The following HIVEP1 variants were observed in gnomAD, a reference collection of about 807,000 sequenced individuals.
HIVEP1 encodes zinc finger protein 40.
HIVEP1 carries 36 observed loss-of-function variants against 180.0 expected under a neutral mutation model. The ratio of observed to expected loss-of-function variants is 0.20; its 90% CI spans 0.15 to 0.26. The LOEUF is 0.26. Ranked by LOEUF, HIVEP1 falls within the 10% of genes least tolerant of loss-of-function variation. HIVEP1 has a pLI of 1.00. For missense variants in HIVEP1, 3,143 were observed against 3,268.7 expected, an observed-to-expected ratio of 0.96 and a Z score of 0.94; for synonymous variants, 1,239 against 1,239.0, an observed-to-expected ratio of 1.00 and a Z score of 0.00.
chr6:12,021,890 C>G (rs9470753), intron 2 of HIVEP1, among the ~76,000 whole-genome samples: 7,163 of 152,190 alleles, frequency 0.047, 238 homozygotes, highest in Admixed American at 0.12. Flanking sequence ...GTCTTGAACT[C>G]CTAACCTCAA....
chr6:12,056,713 T>C (rs1162548578), intron 2 of HIVEP1, among the ~76,000 whole-genome samples: 3 of 152,240 alleles, frequency 2.0e-5, no homozygotes, highest in Non-Finnish European at 2.9e-5. Context: ...GCGACTTTAA[T>C]GGCAATGCTT....
chr6:12,098,621 C>A (rs556273624), intron 3 of HIVEP1, among the ~76,000 whole-genome samples: 2 of 152,260 alleles, frequency 1.3e-5, no homozygotes, highest in African/African-American at 4.8e-5. Flanking sequence ...TAGAGATTTG[C>A]TCTTTTTCTC....
chr6:12,204,520 C>T, the HIVEP1 span, among the ~76,000 whole-genome samples: 1 of 152,142 alleles, frequency 6.6e-6, no homozygotes, highest in African/African-American at 2.4e-5. Flanking sequence ...AAAAATCCCC[C>T]GACTAAGAAC....
intron 3 of HIVEP1, among the ~76,000 whole-genome samples, chr6:12,110,206 C>G (rs1268572207): frequency 6.6e-6 from 1 of 152,150 alleles, no homozygotes; most frequent in Non-Finnish European, 1.5e-5. Flanking sequence ...TCTTAAGGGT[C>G]TTATGGATTT....
At chr6:12,051,749 TTTTA>T (rs1461588530) in intron 2 of HIVEP1, among the ~76,000 whole-genome samples, 1 of 152,116 alleles carries the variant, frequency 6.6e-6, no homozygotes, top group African/African-American at 2.4e-5. Context: ...GGGCTGAAGT[TTTTA>T]TTTGTTTTTG....
At chr6:12,015,459 T>A in intron 1 of HIVEP1, 67 bp from the exon 2 acceptor site, 1 of 591,346 alleles carries the variant, frequency 1.7e-6, no homozygotes, top group Non-Finnish European at 3.0e-6. Flanking sequence ...TGCTAGGCAG[T>A]AACTTTTAAA....
chr6:12,210,412 G>A, the HIVEP1 span, among the ~76,000 whole-genome samples: 1 of 152,074 alleles, frequency 6.6e-6, no homozygotes, highest in Non-Finnish European at 1.5e-5. Flanking sequence ...TTTAATCTTG[G>A]TTGCTTTTGT....
intron 2 of HIVEP1, among the ~76,000 whole-genome samples, chr6:12,018,343 C>T (rs1046138359): frequency 1.3e-5 from 2 of 152,214 alleles, no homozygotes; most frequent in African/African-American, 2.4e-5. Context: ...CACAGTGCAG[C>T]GGCGGGCTGA....
intron 2 of HIVEP1, among the ~76,000 whole-genome samples, chr6:12,049,452 G>A (rs1237626307): frequency 6.6e-6 from 1 of 152,184 alleles, no homozygotes. Context: ...TCGGCAGAGT[G>A]TGTGAGACCT....
At chr6:12,148,319 C>T (rs1002763540) in intron 7 of HIVEP1, among the ~76,000 whole-genome samples, 1 of 152,192 alleles carries the variant, frequency 6.6e-6, no homozygotes, top group East Asian at 1.9e-4. Context: ...CTCCACCTCC[C>T]TCATCATAGG....
chr6:12,168,211 C>CATAT (rs1461357687), downstream of HIVEP1, among the ~76,000 whole-genome samples: 6 of 83,824 alleles, frequency 7.2e-5, no homozygotes, highest in East Asian at 1.3e-3. Flanking sequence ...TACATATATA[C>CATAT]ATATATACAT....
At chr6:12,056,850 T>A (rs976538881) in intron 2 of HIVEP1, among the ~76,000 whole-genome samples, 1 of 152,034 alleles carries the variant, frequency 6.6e-6, no homozygotes, top group Admixed American at 6.6e-5. Flanking sequence ...TTTGTTTTTT[T>A]TTTTCAAACA....
Position 12,119,901 on chromosome 6 carries a change from G to A in HIVEP1, c.106G>A (p.Ala36Thr). Reference protein sequence around the residue: ...AEVSKKEILQAGVKGTSESLK... With the variant: ...AEVSKKEILQTGVKGTSESLK... Reference sequence around the variant, plus strand: ...GTTGTTTTTTCCAGAAATCTTACAGGCTGGTGTTAAAGGAACTTCGGAATC... The same window carrying A: ...GTTGTTTTTTCCAGAAATCTTACAGACTGGTGTTAAAGGAACTTCGGAATC... Residue 36 changes from alanine (A) to threonine (T), a missense_variant, in exon 4 of 9, where the codon GCT becomes ACT. Ala to Thr is a moderately conservative substitution (Grantham distance 58). Coordinates refer to ENST00000379388, the MANE Select transcript of HIVEP1 (RefSeq NM_002114.4). The A allele has an allele frequency of 1.3e-6, 2 of 1,556,930 alleles. No individual in the cohort carries two copies. The highest frequency in any genetic ancestry group is 8.6e-7 in the Non-Finnish European group (1 of 1,157,456).
chr6:12,082,275 T>C (rs1772837732), intron 2 of HIVEP1, among the ~76,000 whole-genome samples: 1 of 152,122 alleles, frequency 6.6e-6, no homozygotes, highest in Admixed American at 6.6e-5. Context: ...CTCTGTAATA[T>C]TCTGTCATAT....
At chr6:12,061,070 C>T (rs1443224203) in intron 2 of HIVEP1, among the ~76,000 whole-genome samples, 4 of 151,946 alleles carry the variant, frequency 2.6e-5, no homozygotes, top group Non-Finnish European at 5.9e-5. Context: ...AGGTGTGCCG[C>T]GGCGGCACAG....
chr6:12,199,905 G>A, the HIVEP1 span, among the ~76,000 whole-genome samples: 1 of 152,162 alleles, frequency 6.6e-6, no homozygotes, highest in African/African-American at 2.4e-5. Context: ...CCCTGTCTGT[G>A]GTGGGGCACA....
At chr6:12,055,182 T>TCAGTTAAA (rs1265947013) in intron 2 of HIVEP1, among the ~76,000 whole-genome samples, 4 of 152,246 alleles carry the variant, frequency 2.6e-5, no homozygotes, top group African/African-American at 9.6e-5. Context: ...AGAAAATTCT[T>TCAGTTAAA]CAGTTAAAAT....
chr6:12,124,832 C>T lies in HIVEP1; in HGVS notation c.5037C>T (p.Ile1679=). The T allele has an allele frequency of 1.2e-6, 2 of 1,614,186 alleles. No individual in the cohort carries two copies. Among genetic ancestry groups the T allele is most frequent in the Non-Finnish European group, 8.5e-7 (1 of 1,180,014 alleles). The change falls in exon 4 of 9, where the codon ATC becomes ATT. Residue 1679 remains isoleucine (I), a synonymous_variant. Transcript: ENST00000379388. ...AGACTAATCATAGTGTAGTGCCAAT[C>T]AGTGAAGAACAAAATTCTGTGCCAA... ...ICQTNHSVVP[I]SEEQNSVPTL...
At chr6:12,096,318 T>G (rs1195547797) in intron 3 of HIVEP1, among the ~76,000 whole-genome samples, 2 of 151,958 alleles carry the variant, frequency 1.3e-5, no homozygotes, top group Non-Finnish European at 1.5e-5. Context: ...CTCTGAAAAG[T>G]CAGTTGATAA....
Sources: allele counts gnomAD v4.1 joint callset (sites outside exome capture counted in the v4.1 genomes callset), GRCh38; gene constraint gnomAD v4.1.1; transcripts MANE v1.5; gene names NCBI Gene and HGNC (gene_info 2026-07-23, HGNC 2026-07-21).